The following GSE1 variants were observed in gnomAD, a reference collection of about 807,000 sequenced individuals.
GSE1 encodes genetic suppressor element 1.
Under a neutral mutation model 112.6 loss-of-function variants are expected in GSE1, and 32 were observed. The ratio of observed to expected loss-of-function variants is 0.28; its 90% CI spans 0.21 to 0.38. The LOEUF is 0.38. Ranked by LOEUF, GSE1 falls within the 10% of genes least tolerant of loss-of-function variation. The probability of loss-of-function intolerance (pLI) is 1.00; values close to 1 mark genes in which losing one functional copy is unlikely to be tolerated. For synonymous variants in GSE1, 1,115 were observed against 735.6 expected, an observed-to-expected ratio of 1.52 and a Z score of -8.35; for missense variants, 2,348 against 1,699.2, an observed-to-expected ratio of 1.38 and a Z score of -6.71.
rs570994034 is a variant in GSE1 at position 85,507,808 on chromosome 16, C to T, written c.2465-126106C>T. Reference sequence around the variant, plus strand: ...GCTGGGATGTCAGCGTGTCAATTTTCGCAGGACACAAATCAGCCTATAATA... The same window carrying T: ...GCTGGGATGTCAGCGTGTCAATTTTTGCAGGACACAAATCAGCCTATAATA... On this transcript the variant is annotated intron_variant, in intron 2 of 2. Coordinates refer to the GSE1 transcript ENST00000637419. 6.6e-5 allele frequency among the ~76,000 whole-genome samples: 10 copies of T among 152,312 alleles called. No homozygotes were observed. In the East Asian group the frequency reaches 1.2e-3, roughly 18 times the overall value.
chr16:85,576,233 A>G (rs916118499), intron 1 of GSE1, among the ~76,000 whole-genome samples: 2 of 152,234 alleles, frequency 1.3e-5, no homozygotes, highest in East Asian at 1.9e-4. Flanking sequence ...TTAATACACA[A>G]TATTACCAAA....
At chr16:85,240,246 G>T (rs1015085045) in intron 1 of GSE1, among the ~76,000 whole-genome samples, 4 of 152,198 alleles carry the variant, frequency 2.6e-5, no homozygotes, top group African/African-American at 9.7e-5. Context: ...CTCTGTACCT[G>T]TTCCCTCCTC....
At chr16:85,376,381 C>G (rs918255893) in intron 2 of GSE1, among the ~76,000 whole-genome samples, 9 of 152,234 alleles carry the variant, frequency 5.9e-5, no homozygotes, top group East Asian at 1.9e-4. Context: ...CTGTTGGAAC[C>G]CTGCCCTTCT....
rs986001712 is a variant in GSE1, at chr16:85,183,059, A to G, written c.2283+11252A>G. Among the ~76,000 whole-genome samples the G allele has an allele frequency of 6.6e-5, 10 of 151,968 alleles. No homozygotes were observed. In the South Asian group the frequency reaches 1.9e-3, roughly 28 times the overall value. On this transcript the variant is annotated intron_variant, in intron 1 of 2. Transcript: ENST00000637419. ...GCATCACTCCCGTGCACACTCATAC[A>G]CTGTCTCACACCTGTGCCCACACAC...
At chr16:85,634,389 CG>C (rs1409212532) in intron 2 of GSE1, among the ~76,000 whole-genome samples, 1 of 152,212 alleles carries the variant, frequency 6.6e-6, no homozygotes, top group Non-Finnish European at 1.5e-5. Flanking sequence ...CAGGGGTGTC[CG>C]GATGTAGCGA....
rs768800838 is a variant in GSE1 at position 85,672,749 on chromosome 16, C to A, written c.*210C>A. 1 of 406,368 alleles carries A rather than the reference C, an allele frequency of 2.5e-6. No homozygotes were observed. The highest frequency in any genetic ancestry group is 4.4e-6 in the Non-Finnish European group (1 of 227,596). 25.2% of individuals were successfully genotyped at this position (406,368 alleles called of 1,614,324 possible). On this transcript the variant is annotated 3_prime_UTR_variant, in exon 16 of 16. Transcript: ENST00000253458. ...ATCACCGTTGTCATTCAGCGAGCAACCAATGTAGGATTGCCCACAGTTTTT... is the reference window on the plus strand; with the variant it reads ...ATCACCGTTGTCATTCAGCGAGCAAACAATGTAGGATTGCCCACAGTTTTT...
intron 1 of GSE1, among the ~76,000 whole-genome samples, chr16:85,559,474 T>G (rs1464136889): frequency 6.6e-6 from 1 of 152,216 alleles, no homozygotes; most frequent in Non-Finnish European, 1.5e-5. Flanking sequence ...CTCTGCAGCC[T>G]CTTGGACTTG....
intron 2 of GSE1, among the ~76,000 whole-genome samples, chr16:85,489,124 G>A (rs964067484): frequency 7.2e-5 from 11 of 152,112 alleles, no homozygotes; most frequent in African/African-American, 2.4e-4. Context: ...CCCACAGCCT[G>A]GGCAACGCAG....
chr16:85,622,627 T>C (rs1458303766), intron 1 of GSE1, among the ~76,000 whole-genome samples: 1 of 152,192 alleles, frequency 6.6e-6, no homozygotes, highest in Non-Finnish European at 1.5e-5. Context: ...CTTTGAACCA[T>C]CTTGAGAGTG....
At chr16:85,517,382 A>C (rs890016415) in intron 2 of GSE1, among the ~76,000 whole-genome samples, 4 of 152,344 alleles carry the variant, frequency 2.6e-5, no homozygotes, top group Admixed American at 2.6e-4. Context: ...TAGAGCTGCC[A>C]GTGACCAAGT....
intron 1 of GSE1, among the ~76,000 whole-genome samples, chr16:85,220,019 C>G (rs1335108956): frequency 1.3e-5 from 2 of 152,232 alleles, no homozygotes; most frequent in African/African-American, 4.8e-5. Context: ...GCTCCCTTCT[C>G]CCATGAGCCA....
At chr16:85,452,026 G>A (rs902771559) in intron 2 of GSE1, among the ~76,000 whole-genome samples, 10 of 151,882 alleles carry the variant, frequency 6.6e-5, no homozygotes, top group Admixed American at 3.9e-4. Flanking sequence ...AGCAAGAAGC[G>A]TCCCCACCCA....
chr16:85,554,283 T>C (rs557734035), upstream of GSE1, among the ~76,000 whole-genome samples: 14 of 152,190 alleles, frequency 9.2e-5, no homozygotes, highest in East Asian at 2.7e-3. Context: ...AATTATCACA[T>C]GGGGCCTTCT....
chr16:85,506,822 G>A (rs1382953459), intron 2 of GSE1, among the ~76,000 whole-genome samples: 1 of 152,156 alleles, frequency 6.6e-6, no homozygotes, highest in Admixed American at 6.5e-5. Flanking sequence ...AGCAGACGAA[G>A]CCTTTGTTCC....
At chr16:85,641,499 C>T (rs1423760108) in intron 2 of GSE1, among the ~76,000 whole-genome samples, 4 of 152,116 alleles carry the variant, frequency 2.6e-5, no homozygotes, top group Admixed American at 6.6e-5. Context: ...AGAGCCCTGC[C>T]CTGGGAGCCT....
chr16:85,482,438 T>C (rs963963292), intron 2 of GSE1, among the ~76,000 whole-genome samples: 1 of 152,128 alleles, frequency 6.6e-6, no homozygotes, highest in Non-Finnish European at 1.5e-5. Flanking sequence ...CCCCAGCCCA[T>C]CTCTGACAAC....
At position 85,587,281 on chromosome 16, in the gene GSE1, A is replaced by G. The variant is rs773921794; in HGVS notation, c.37+30918A>G. 3.9e-5 allele frequency among the ~76,000 whole-genome samples: 6 copies of G among 152,180 alleles called. 1 individual carries two copies. Among genetic ancestry groups the G allele is most frequent in the Non-Finnish European group, 5.9e-5 (4 of 68,032 alleles). On this transcript the variant is annotated intron_variant, in intron 1 of 2. Transcript: ENST00000635906. ...GGGGAAACGGCGATGTGGAGCCCCA[A>G]TTGCTAGCAGATGGCGCTGGTATTA...
intron 1 of GSE1, among the ~76,000 whole-genome samples, chr16:85,222,343 A>G (rs11149724): frequency 0.51 from 78,330 of 152,130 alleles, 20,398 homozygotes; most frequent in South Asian, 0.57. Context: ...AGGCCTCGGC[A>G]TTGGTGGAGA....
chr16:85,495,780 G>C (rs934793079), intron 2 of GSE1, among the ~76,000 whole-genome samples: 5 of 152,172 alleles, frequency 3.3e-5, no homozygotes, highest in African/African-American at 7.2e-5. Context: ...TTACAGGCAT[G>C]AGCCACTACG....
Sources: allele counts gnomAD v4.1 joint callset (sites outside exome capture counted in the v4.1 genomes callset), GRCh38; gene constraint gnomAD v4.1.1; transcripts MANE v1.5; gene names NCBI Gene and HGNC (gene_info 2026-07-23, HGNC 2026-07-21).